Variants in FOXN1 observed in about 807,000 individuals in gnomAD.
The protein encoded by FOXN1 is forkhead box N1.
A neutral mutation model predicts 49.0 loss-of-function variants in FOXN1; 15 were observed. The observed-to-expected ratio is 0.31, with a 90% CI of 0.20 to 0.47. The LOEUF is 0.47. Among genes scored for constraint, FOXN1 ranks in the 20% least tolerant of loss-of-function variants. FOXN1 has a pLI of 1.00. For missense variants in FOXN1, 800 were observed against 842.8 expected (o/e 0.95, Z 0.63); for synonymous variants, 356 against 369.0 (o/e 0.96, Z 0.40).
intron 3 of FOXN1, 80 bp downstream of exon 3, chr17:28,525,047 G>C: frequency 8.9e-7 from 1 of 1,121,116 alleles, no homozygotes; most frequent in South Asian, 1.3e-5. Flanking sequence ...AGACCTCTGA[G>C]ACCAAAGTCC....
chr17:28,529,185 G>A lies in FOXN1; in HGVS notation c.791G>A (p.Gly264Glu), dbSNP rs1421101060. 1.9e-5 allele frequency: 31 copies of A among 1,614,024 alleles called. No individual in the cohort carries two copies. The highest frequency in any genetic ancestry group is 2.6e-5 in the Non-Finnish European group (31 of 1,180,016). The part of the protein sequence containing the change: ...QRMAPQASTD[G>E]HQPLFPKPIY... The stretch of plus-strand genomic sequence containing the variant: ...ATGGCACCCCAGGCCAGCACCGATG[G>A]GCACCAGCCTCTCTTCCCAAAACCC... Residue 264 changes from glycine to glutamate, a missense_variant, in exon 5 of 9, where the codon GGG becomes GAG. Around this residue, in one of 3 missense-constraint regions of FOXN1, gnomAD observed 383 missense variants for 357.9 expected, o/e 1.07. Coordinates refer to ENST00000579795, the MANE Select transcript of FOXN1 (RefSeq NM_001369369.1).
At position 28,534,265 on chromosome 17, in the gene FOXN1, C is replaced by A; in HGVS notation, c.928-66C>A. 1 of 1,612,142 alleles carries A rather than the reference C, an allele frequency of 6.2e-7. No homozygotes were observed. Among genetic ancestry groups the A allele is most frequent in the Non-Finnish European group, 8.5e-7 (1 of 1,179,798 alleles). On this transcript the variant is annotated intron_variant, in intron 6 of 8. Transcript: ENST00000579795. The surrounding 1 kb of genome is among the most constrained non-coding windows in gnomAD (Gnocchi z 4.1). ...GGAGAAACAGGAGTGTTCTAGAACC[C>A]AGACCTGAAGCCCGCTCTGGCTTCC...
chr17:28,536,874 C>T (rs993121629), intron 8 of FOXN1, among the ~76,000 whole-genome samples: 11 of 152,138 alleles, frequency 7.2e-5, no homozygotes, highest in African/African-American at 2.7e-4. Context: ...GCCCACCCCC[C>T]AAAAAGAACC....
Position 28,534,518 on chromosome 17 carries a change from G to T in FOXN1, c.1115G>T (p.Arg372Leu). 6 of 1,613,324 alleles carry T rather than the reference G, an allele frequency of 3.7e-6. No homozygotes were observed. The highest frequency in any genetic ancestry group is 5.1e-6 in the Non-Finnish European group (6 of 1,179,960). The change falls in exon 7 of 9, where the codon CGC becomes CTC. Residue 372 changes from arginine (R) to leucine (L), a missense_variant. Around this residue, in one of 3 missense-constraint regions of FOXN1, gnomAD observed 344 missense variants for 366.1 expected, o/e 0.94. Coordinates refer to ENST00000579795, the MANE Select transcript of FOXN1 (RefSeq NM_001369369.1). The surrounding 1 kb of genome is among the most constrained non-coding windows in gnomAD (Gnocchi z 4.1). ...AAGAGGAAAGATCCCATTGCTGTGC[G>T]CAAAAGCATGGCCAAGCCAGGTGAG... is the stretch of plus-strand genomic sequence containing the variant. ...KWKRKDPIAVRKSMAKPEELD... is the reference protein window; with the variant it reads ...KWKRKDPIAVLKSMAKPEELD...
Position 28,510,061 on chromosome 17 carries a change from C to CT in FOXN1, c.-15+3619dup, listed in dbSNP as rs1235914539. Among the ~76,000 whole-genome samples, 5 of 152,166 alleles carry CT rather than the reference C, an allele frequency of 3.3e-5. 1 individual carries two copies. Among genetic ancestry groups the CT allele is most frequent in the Admixed American group, 3.3e-4 (5 of 15,280 alleles). On this transcript the variant is annotated intron_variant, in intron 1 of 8. Coordinates refer to ENST00000579795, the MANE Select transcript of FOXN1 (RefSeq NM_001369369.1). Reference sequence around the variant, plus strand: ...GGGAACCTGTGCTCTCACAGCTACTCTAGAAGCTTCCAGGGGTAGGCAACC... The same window carrying CT: ...GGGAACCTGTGCTCTCACAGCTACTCTTAGAAGCTTCCAGGGGTAGGCAACC...
At chr17:28,528,880 A>G (rs1237301618) in intron 4 of FOXN1, among the ~76,000 whole-genome samples, 1 of 152,180 alleles carries the variant, frequency 6.6e-6, no homozygotes, top group Non-Finnish European at 1.5e-5. Context: ...AGCTGGAGGA[A>G]GAGGGTTTTA....
intron 1 of FOXN1, among the ~76,000 whole-genome samples, chr17:28,518,891 G>C (rs2069583916): frequency 6.6e-6 from 1 of 152,186 alleles, no homozygotes; most frequent in South Asian, 2.1e-4. Context: ...AAATGGGCTT[G>C]ATGACCTTGC....
At chr17:28,536,947 G>A (rs2070080778) in intron 8 of FOXN1, among the ~76,000 whole-genome samples, 170 bp from the exon 9 acceptor site, 1 of 152,098 alleles carries the variant, frequency 6.6e-6, no homozygotes, top group Admixed American at 6.5e-5. Flanking sequence ...ATCTGAGGCT[G>A]AGAGGTTCAG....
At position 28,538,386 on chromosome 17, in the gene FOXN1, T is replaced by C. The variant is rs1272854276; in HGVS notation, c.*950T>C. 1 of 152,226 alleles carries C rather than the reference T, an allele frequency of 6.6e-6. No individual in the cohort carries two copies. Among genetic ancestry groups the C allele is most frequent in the African/African-American group, 2.4e-5 (1 of 41,434 alleles). The allele number at this position is 152,226 out of a possible 1,614,324, so 9.4% of individuals were successfully genotyped here. On this transcript the variant is annotated 3_prime_UTR_variant, in exon 9 of 9. Transcript: ENST00000579795. ...TTACACTTTTTCAACTTTAAGATGG[T>C]GCAAAAGCAATACACATTCAGTATG...
rs1360041311 is a variant in FOXN1 at position 28,537,038 on chromosome 17, A to C, written c.1628-79A>C. The C allele has an allele frequency of 2.8e-6, 3 of 1,076,256 alleles. No homozygotes were observed. The African/African-American group carries it at 4.7e-5, about 17-fold the overall frequency. The allele number at this position is 1,076,256 out of a possible 1,614,324, so 66.7% of individuals were successfully genotyped here. A position where few individuals can be genotyped will look rare whatever the true frequency, so the allele number is the denominator to read the frequency against. ...TGACCCCTGCTCTCTGCAGCATGTG[A>C]AGATTGACAGGGAGGAGGGGCCAGA... On this transcript the variant is annotated intron_variant, in intron 8 of 8. Transcript: ENST00000579795.
intron 6 of FOXN1, among the ~76,000 whole-genome samples, chr17:28,531,315 C>T (rs535881233): frequency 2.0e-5 from 3 of 152,326 alleles, no homozygotes; most frequent in East Asian, 1.9e-4. Context: ...CTGTGGGTGG[C>T]AGGCTCAGCT....
Position 28,524,832 on chromosome 17 carries a change from C to T in FOXN1, c.453C>T (p.Thr151=), listed in dbSNP as rs1240703115. ...TLALKGHSFK[T]PGPLEAFEEI... is the part of the protein sequence containing the mutation. ...CCCTCAAAGGACACTCCTTTAAGACCCCAGGGCCGCTGGAGGCCTTCGAGG... is the reference window on the plus strand; with the variant it reads ...CCCTCAAAGGACACTCCTTTAAGACTCCAGGGCCGCTGGAGGCCTTCGAGG... The change falls in exon 3 of 9, where the codon ACC becomes ACT. Residue 151 remains threonine, a synonymous_variant. Coordinates refer to ENST00000579795, the MANE Select transcript of FOXN1 (RefSeq NM_001369369.1). 6.2e-6 allele frequency: 10 copies of T among 1,613,752 alleles called. No individual in the cohort carries two copies. The highest frequency in any genetic ancestry group is 8.5e-6 in the Non-Finnish European group (10 of 1,180,010).
chr17:28,518,622 C>T lies in FOXN1; in HGVS notation c.-14-5334C>T, dbSNP rs193097067. On this transcript the variant is annotated intron_variant, in intron 1 of 8. Coordinates refer to ENST00000579795, the MANE Select transcript of FOXN1 (RefSeq NM_001369369.1). ...AGTCAAAGGGCCGTTTCTTTCTTCTCTCTGATGCCAGGGCAGATCAAGTCC... is the reference window on the plus strand; with the variant it reads ...AGTCAAAGGGCCGTTTCTTTCTTCTTTCTGATGCCAGGGCAGATCAAGTCC... 4.6e-5 allele frequency among the ~76,000 whole-genome samples: 7 copies of T among 152,332 alleles called. No homozygotes were observed. The East Asian group carries it at 1.4e-3, about 29-fold the overall frequency.
chr17:28,525,641 C>G (rs932998611), intron 3 of FOXN1, among the ~76,000 whole-genome samples: 13 of 152,172 alleles, frequency 8.5e-5, no homozygotes, highest in African/African-American at 2.9e-4. Context: ...CCTGCTCCCC[C>G]GCTCTGGTTT....
chr17:28,524,338 C>T (rs951744035), intron 2 of FOXN1, among the ~76,000 whole-genome samples, 165 bp from the exon 3 acceptor site: 3 of 33,170 alleles, frequency 9.0e-5, no homozygotes, highest in African/African-American at 5.4e-4. Context: ...GCAGGGTGCC[C>T]TCATGAAATC....
Position 28,527,305 on chromosome 17 carries a change from T to C in FOXN1, c.643T>C (p.Cys215Arg). The change falls in exon 4 of 9, where the codon TGC becomes CGC. Residue 215 changes from cysteine (C) to arginine (R), a missense_variant. Cys to Arg is a radical substitution (Grantham distance 180). Coordinates refer to ENST00000579795, the MANE Select transcript of FOXN1 (RefSeq NM_001369369.1). ...TCTGGAGAGTGGTGCTGGGATGTTC[T>C]GCTACCAGCCTCCCTTGCAGCATAT... is the stretch of plus-strand genomic sequence containing the variant. ...PVLESGAGMF[C>R]YQPPLQHMYC... is the part of the protein sequence containing the mutation. 1.2e-6 allele frequency: 2 copies of C among 1,614,108 alleles called. No individual in the cohort carries two copies. Among genetic ancestry groups the C allele is most frequent in the Non-Finnish European group, 1.7e-6 (2 of 1,179,968 alleles).
At chr17:28,521,245 C>G (rs527752947) in intron 1 of FOXN1, among the ~76,000 whole-genome samples, 29 of 152,334 alleles carry the variant, frequency 1.9e-4, no homozygotes, top group African/African-American at 7.0e-4. Flanking sequence ...GACTCCAAAT[C>G]CTTGCTCTAA....
At chr17:28,516,133 A>C (rs1618197) in intron 1 of FOXN1, among the ~76,000 whole-genome samples, 121,499 of 142,270 alleles carry the variant, frequency 0.85, 51,281 homozygotes, top group African/African-American at 0.91. Context: ...GGATCCTTAC[A>C]TCCACAGGGT....
At chr17:28,530,950 A>G (rs2069898839) in intron 6 of FOXN1, 105 bp downstream of exon 6, 1 of 753,504 alleles carries the variant, frequency 1.3e-6, no homozygotes, top group Non-Finnish European at 2.4e-6. Context: ...ATTAGAACGA[A>G]AGCCAGGAGA....
Sources: gnomAD v4.1 joint callset for allele counts (sites outside exome capture counted in the v4.1 genomes callset) on GRCh38, gnomAD v4.1.1 for gene constraint, gnomAD v4.1.1 regional missense constraint, Gnocchi (gnomAD v3.1) non-coding constraint, MANE v1.5 for transcripts, NCBI Gene and HGNC (gene_info 2026-07-23, HGNC 2026-07-21) for gene names.